HECW1: variants seen among roughly 807,000 people sequenced by gnomAD.
The protein encoded by HECW1 is HECT, C2 and WW domain containing E3 ubiquitin protein ligase 1.
Under a neutral mutation model 182.3 loss-of-function variants are expected in HECW1, and 61 were observed. The ratio of observed to expected loss-of-function variants is 0.33; its 90% CI spans 0.27 to 0.41. HECW1 has a LOEUF of 0.41. Among genes scored for constraint, HECW1 ranks in the 10% least tolerant of loss-of-function variants. The pLI, the probability that HECW1 is intolerant of heterozygous loss-of-function variation, is 1.00. For synonymous variants in HECW1, 859 were observed against 832.6 expected, an observed-to-expected ratio of 1.03 and a Z score of -0.55; for missense variants, 1,739 against 2,108.9, an observed-to-expected ratio of 0.82 and a Z score of 3.44.
chr7:43,329,737 C>T (rs772189720), intron 5 of HECW1, among the ~76,000 whole-genome samples: 104 of 152,098 alleles, frequency 6.8e-4, no homozygotes, highest in Non-Finnish European at 1.2e-3. Context: ...GAGAAGAACC[C>T]GGCTTTGAAA....
intron 6 of HECW1, among the ~76,000 whole-genome samples, chr7:43,385,855 C>T (rs2074772808): frequency 1.3e-5 from 2 of 152,162 alleles, no homozygotes; most frequent in South Asian, 4.1e-4. Context: ...GTCTATAGGT[C>T]AGAAGTCCTG....
intron 6 of HECW1, 97 bp from the exon 7 acceptor site, chr7:43,396,717 C>G: frequency 1.3e-6 from 1 of 795,710 alleles, no homozygotes; most frequent in East Asian, 2.6e-5. Flanking sequence ...TTGCCTGTAG[C>G]TGGTAAAATC....
intron 2 of HECW1, among the ~76,000 whole-genome samples, chr7:43,189,926 G>A (rs1161999997): frequency 6.6e-6 from 1 of 152,082 alleles, no homozygotes; most frequent in Admixed American, 6.5e-5. Flanking sequence ...GGCTTTTTGT[G>A]TATTGTTTTG....
Position 43,279,422 on chromosome 7 carries a change from A to G in HECW1, c.28-32341A>G, listed in dbSNP as rs556306894. On this transcript the variant is annotated intron_variant, in intron 3 of 29. Coordinates refer to ENST00000395891, the MANE Select transcript of HECW1 (RefSeq NM_015052.5). Reference sequence around the variant, plus strand: ...ATCCTGTTGCCCTCTAAAGTGTCCCATGGCATTTAGGCCAAATTGCAAATC... The same window carrying G: ...ATCCTGTTGCCCTCTAAAGTGTCCCGTGGCATTTAGGCCAAATTGCAAATC... 3.0e-4 allele frequency among the ~76,000 whole-genome samples: 45 copies of G among 151,968 alleles called. 1 individual carries two copies. In the South Asian group the frequency reaches 6.9e-3, roughly 23 times the overall value.
At chr7:43,337,771 C>T (rs920530534) in intron 5 of HECW1, among the ~76,000 whole-genome samples, 3 of 152,222 alleles carry the variant, frequency 2.0e-5, no homozygotes, top group Non-Finnish European at 2.9e-5. Context: ...AACCTACAGA[C>T]ATTATAGTTT....
At chr7:43,534,917 A>G (rs1040593806) in intron 24 of HECW1, among the ~76,000 whole-genome samples, 2 of 152,236 alleles carry the variant, frequency 1.3e-5, no homozygotes, top group African/African-American at 4.8e-5. Context: ...GTCTATGGAT[A>G]GGAATTCATT....
intron 2 of HECW1, among the ~76,000 whole-genome samples, chr7:43,201,360 C>T (rs1235948742): frequency 6.6e-6 from 1 of 152,168 alleles, no homozygotes; most frequent in East Asian, 1.9e-4. Flanking sequence ...ACTGTAGAGG[C>T]AGGATGTACA....
intron 3 of HECW1, among the ~76,000 whole-genome samples, chr7:43,251,002 C>G (rs1378108522): frequency 6.6e-6 from 1 of 152,178 alleles, no homozygotes; most frequent in Non-Finnish European, 1.5e-5. Flanking sequence ...GTTGCTGGCC[C>G]TACAATCATT....
intron 3 of HECW1, 101 bp from the exon 4 acceptor site, chr7:43,311,662 C>G (rs932470560): frequency 3.8e-6 from 4 of 1,065,406 alleles, no homozygotes; most frequent in Non-Finnish European, 5.8e-6. Context: ...GCAGCTCACT[C>G]ACAGCGCGTG....
At chr7:43,425,326 A>ATAGG (rs1160993173) in intron 8 of HECW1, among the ~76,000 whole-genome samples, 1 of 152,078 alleles carries the variant, frequency 6.6e-6, no homozygotes, top group Non-Finnish European at 1.5e-5. Flanking sequence ...AGATAGATAG[A>ATAGG]TAGATAGATA....
intron 6 of HECW1, among the ~76,000 whole-genome samples, chr7:43,387,665 T>A (rs1314837123): frequency 2.6e-5 from 4 of 152,202 alleles, no homozygotes; most frequent in African/African-American, 9.6e-5. Flanking sequence ...CAGCTTATGG[T>A]ATATTTATAA....
At chr7:43,313,339 A>ATTTTT (rs3032878) in intron 4 of HECW1, among the ~76,000 whole-genome samples, 4 of 142,732 alleles carry the variant, frequency 2.8e-5, no homozygotes, top group South Asian at 2.2e-4. Context: ...CCTAAAGAGC[A>ATTTTT]TTTTTTTTTT....
intron 8 of HECW1, among the ~76,000 whole-genome samples, chr7:43,419,738 C>G (rs536993229): frequency 6.6e-6 from 1 of 152,088 alleles, no homozygotes; most frequent in African/African-American, 2.4e-5. Flanking sequence ...TTCCCAATGC[C>G]GTAAAGAAAT....
At chr7:43,479,064 A>G (rs1348836773) in intron 16 of HECW1, among the ~76,000 whole-genome samples, 2 of 151,934 alleles carry the variant, frequency 1.3e-5, no homozygotes, top group African/African-American at 2.4e-5. Context: ...TTTTCCACGG[A>G]TGGGAGGGTA....
intron 16 of HECW1, among the ~76,000 whole-genome samples, chr7:43,478,448 T>C (rs1008989744): frequency 3.3e-5 from 5 of 152,136 alleles, no homozygotes; most frequent in Admixed American, 3.3e-4. Context: ...CATTGAAGCA[T>C]TATTTTAAAA....
intron 1 of HECW1, 40 bp downstream of exon 1, chr7:43,112,977 T>TC (rs534918399): frequency 3.5e-3 from 704 of 198,974 alleles, no homozygotes; most frequent in Middle Eastern, 8.7e-3. Context: ...TGCCGCCCCT[T>TC]CCCCCCCGCC....
chr7:43,186,593 T>A (rs1793426158), intron 2 of HECW1, among the ~76,000 whole-genome samples: 1 of 146,412 alleles, frequency 6.8e-6, no homozygotes, highest in Admixed American at 7.1e-5. Context: ...GGCATGAACC[T>A]GGAAGGCAGA....
At chr7:43,250,788 AAC>A (rs1799944180) in intron 3 of HECW1, among the ~76,000 whole-genome samples, 1 of 152,222 alleles carries the variant, frequency 6.6e-6, no homozygotes, top group Admixed American at 6.5e-5. Flanking sequence ...TTTAAATAAA[AAC>A]AGGCAATTTT....
intron 4 of HECW1, among the ~76,000 whole-genome samples, chr7:43,316,700 T>C (rs897640018): frequency 1.5e-5 from 2 of 133,516 alleles, no homozygotes; most frequent in Non-Finnish European, 3.3e-5. Flanking sequence ...GAGCACCCAT[T>C]CCACACTGAG....
Sources: gnomAD v4.1 joint callset for allele counts (sites outside exome capture counted in the v4.1 genomes callset) on GRCh38, gnomAD v4.1.1 for gene constraint, MANE v1.5 for transcripts, NCBI Gene and HGNC (gene_info 2026-07-23, HGNC 2026-07-21) for gene names.